The following CACNA1E variants were observed in gnomAD, a reference collection of about 807,000 sequenced individuals.
The protein encoded by CACNA1E is calcium voltage-gated channel subunit alpha1 E.
A neutral mutation model predicts 259.2 loss-of-function variants in CACNA1E; 40 were observed. The observed-to-expected ratio is 0.15, with a 90% confidence interval of 0.12 to 0.20. CACNA1E has a LOEUF of 0.20. Ranked by LOEUF, CACNA1E falls within the 10% of genes least tolerant of loss-of-function variation. The pLI is 1.00. For synonymous variants in CACNA1E, 1,104 were observed against 1,138.5 expected (o/e 0.97, Z 0.61); for missense variants, 1,874 against 3,040.1 (o/e 0.62, Z 9.02).
chr1:181,771,263 T>C, intron 35 of CACNA1E, 30 bp from the exon 36 acceptor site: 1 of 1,255,812 alleles, frequency 8.0e-7, no homozygotes, highest in South Asian at 1.3e-5. Flanking sequence ...TTGGTAATGC[T>C]CACTGTTTTC....
chr1:181,500,629 A>G (rs1004334566), intron 1 of CACNA1E, among the ~76,000 whole-genome samples: 3 of 152,186 alleles, frequency 2.0e-5, no homozygotes, highest in African/African-American at 4.8e-5. Flanking sequence ...TTGCCTCCAT[A>G]ATAACTTAGA....
At chr1:181,556,721 G>A (rs1252101661) in intron 3 of CACNA1E, among the ~76,000 whole-genome samples, 1 of 152,192 alleles carries the variant, frequency 6.6e-6, no homozygotes, top group East Asian at 1.9e-4. Context: ...GTTGGGGCAG[G>A]AGGGCACTGT....
At position 181,801,285 on chromosome 1, in the gene CACNA1E, G is replaced by C. The variant is rs1261311043; in HGVS notation, c.*2451G>C. On this transcript the variant is annotated 3_prime_UTR_variant, in exon 48 of 48. Coordinates refer to ENST00000367573, the MANE Select transcript of CACNA1E (RefSeq NM_001205293.3). ...TCAAGAGGAGAAATGCAGGCTGGCA[G>C]AGCAATTTCCAGAAATGGAATTTGC... is the stretch of plus-strand genomic sequence containing the variant. The C allele has an allele frequency of 6.6e-6, 1 of 152,612 alleles. No individual in the cohort carries two copies. The highest frequency in any genetic ancestry group is 1.5e-5 in the Non-Finnish European group (1 of 68,038). The allele number at this position is 152,612 out of a possible 1,614,324, so 9.5% of individuals were successfully genotyped here. A position where few individuals can be genotyped will look rare whatever the true frequency, so the allele number is the denominator to read the frequency against.
chr1:181,757,501 C>T (rs1455969870), intron 30 of CACNA1E, among the ~76,000 whole-genome samples: 2 of 152,286 alleles, frequency 1.3e-5, no homozygotes, highest in Non-Finnish European at 2.9e-5. Context: ...ATAGTTCTGG[C>T]ACATTGTAAG....
intron 2 of CACNA1E, among the ~76,000 whole-genome samples, chr1:181,446,693 C>T (rs1000270672): frequency 2.6e-5 from 4 of 152,160 alleles, no homozygotes; most frequent in Non-Finnish European, 5.9e-5. Context: ...CCTTCCAGCA[C>T]GTGCCCTTGG....
At chr1:181,448,441 G>A (rs1344808723) in intron 2 of CACNA1E, among the ~76,000 whole-genome samples, 1 of 152,188 alleles carries the variant, frequency 6.6e-6, no homozygotes, top group Non-Finnish European at 1.5e-5. Flanking sequence ...AAGCTCAGGT[G>A]GCTAAGATTC....
intron 7 of CACNA1E, among the ~76,000 whole-genome samples, chr1:181,681,363 C>G (rs1649953676): frequency 6.6e-6 from 1 of 152,166 alleles, no homozygotes; most frequent in South Asian, 2.1e-4. Context: ...TACCAAAAAC[C>G]CACTTGGCCA....
intron 6 of CACNA1E, among the ~76,000 whole-genome samples, chr1:181,583,783 T>G (rs1651785700): frequency 6.6e-6 from 1 of 152,096 alleles, no homozygotes; most frequent in East Asian, 1.9e-4. Flanking sequence ...TGTCAACTGC[T>G]TGGTCAAACT....
chr1:181,785,187 A>G (rs894943532), intron 41 of CACNA1E, 131 bp from the exon 42 acceptor site: 2 of 670,100 alleles, frequency 3.0e-6, no homozygotes, highest in Admixed American at 2.2e-5. Flanking sequence ...GGGGCCCTCA[A>G]TATACATTGG....
At chr1:181,454,152 G>T (rs1661319168) in intron 2 of CACNA1E, among the ~76,000 whole-genome samples, 1 of 152,140 alleles carries the variant, frequency 6.6e-6, no homozygotes. Context: ...GGGCTTCATG[G>T]TGGGATCAAG....
rs183498405 is a variant in CACNA1E, at chr1:181,504,681, C to T, written c.267-5796C>T. Among the ~76,000 whole-genome samples, 27 of 152,290 alleles carry T rather than the reference C, an allele frequency of 1.8e-4. 1 individual carries two copies. The East Asian group carries it at 5.0e-3, about 28-fold the overall frequency. ...GCAGAACCAGCATCACCACCCTTGC[C>T]CCAGCTTTCTGTGCTTCAAGAAGGA... On this transcript the variant is annotated intron_variant, in intron 1 of 47. Coordinates refer to ENST00000367573, the MANE Select transcript of CACNA1E (RefSeq NM_001205293.3).
At chr1:181,731,091 C>T in intron 18 of CACNA1E, 84 bp from the exon 19 acceptor site, 4 of 1,058,026 alleles carry the variant, frequency 3.8e-6, no homozygotes, top group South Asian at 2.6e-5. Context: ...CTCCCTGTCT[C>T]CCTCTGGAAA....
chr1:181,757,254 G>GTAAC, intron 30 of CACNA1E, 128 bp downstream of exon 30: 1 of 675,468 alleles, frequency 1.5e-6, no homozygotes, highest in Non-Finnish European at 2.5e-6. Context: ...GATGGGAAAA[G>GTAAC]TAACTATTCA....
At chr1:181,608,114 G>C (rs991648046) in intron 6 of CACNA1E, among the ~76,000 whole-genome samples, 1 of 152,148 alleles carries the variant, frequency 6.6e-6, no homozygotes, top group African/African-American at 2.4e-5. Context: ...TGATGCTTCT[G>C]GTGCCACCTC....
At chr1:181,590,437 T>TATA (rs1558159851) in intron 6 of CACNA1E, among the ~76,000 whole-genome samples, 1 of 143,516 alleles carries the variant, frequency 7.0e-6, no homozygotes, top group African/African-American at 2.8e-5. Flanking sequence ...ATATATATAT[T>TATA]GTATTTGACT....
At position 181,736,432 on chromosome 1, in the gene CACNA1E, C is replaced by T; in HGVS notation, c.3420C>T (p.Asn1140=). ...HSSMFIFSTT[N]PIRRACHYIV... ...CAATGTTCATCTTCAGCACCACCAA[C>T]CCGTAAGCCACCCTCGCGTTGCTCC... The change falls in exon 22 of 48, where the codon AAC becomes AAT. Residue 1140 remains asparagine (N), a splice_region_variant and synonymous_variant. Coordinates refer to ENST00000367573, the MANE Select transcript of CACNA1E (RefSeq NM_001205293.3). The T allele has an allele frequency of 1.9e-6, 3 of 1,611,828 alleles. No homozygotes were observed. The highest frequency in any genetic ancestry group is 2.5e-6 in the Non-Finnish European group (3 of 1,178,962).
intron 2 of CACNA1E, among the ~76,000 whole-genome samples, chr1:181,454,698 G>A (rs1326801379): frequency 2.6e-5 from 4 of 152,192 alleles, no homozygotes; most frequent in Admixed American, 2.6e-4. Context: ...AAAATATGCT[G>A]TCTTCCCCCT....
chr1:181,711,159 A>G, intron 8 of CACNA1E, 90 bp downstream of exon 8: 1 of 862,152 alleles, frequency 1.2e-6, no homozygotes, highest in Non-Finnish European at 2.0e-6. Context: ...TTCAAGGGGC[A>G]GCCTAGACAA....
chr1:181,773,899 AT>A (rs1458534274), intron 37 of CACNA1E, among the ~76,000 whole-genome samples: 1 of 152,230 alleles, frequency 6.6e-6, no homozygotes, highest in African/African-American at 2.4e-5. Context: ...CATTACTGTT[AT>A]TTTTAATGAG....
Sources: gnomAD v4.1 joint callset for allele counts (sites outside exome capture counted in the v4.1 genomes callset) on GRCh38, gnomAD v4.1.1 for gene constraint, MANE v1.5 for transcripts, NCBI Gene and HGNC (gene_info 2026-07-23, HGNC 2026-07-21) for gene names.